The following SHISA9 variants were observed in gnomAD, a reference collection of about 807,000 sequenced individuals.
The protein encoded by SHISA9 is shisa family member 9, also known as protein shisa-9.
A neutral mutation model predicts 38.0 loss-of-function variants in SHISA9; 13 were observed. The observed-to-expected ratio is 0.34, with a 90% CI of 0.22 to 0.54. The LOEUF is 0.54. SHISA9 is among the 20% of genes least tolerant of loss of function. SHISA9 has a pLI of 0.91. For synonymous variants in SHISA9, 275 were observed against 242.0 expected (o/e 1.14, Z -1.27); for missense variants, 538 against 575.8 (o/e 0.93, Z 0.67).
chr16:13,469,364 A>AAAG, the SHISA9 span, among the ~76,000 whole-genome samples: 1,368 of 56,978 alleles, frequency 0.024, 12 homozygotes, highest in Admixed American at 0.03. Context: ...GAAAGAAAAG[A>AAAG]AAAAGAAAGA....
chr16:13,144,117 C>A (rs999421860), intron 2 of SHISA9, among the ~76,000 whole-genome samples: 1 of 146,500 alleles, frequency 6.8e-6, no homozygotes, highest in Admixed American at 7.1e-5. Flanking sequence ...AGTGTAATAT[C>A]CTAGTATGGG....
intron 2 of SHISA9, among the ~76,000 whole-genome samples, chr16:12,977,915 A>G (rs2072186448): frequency 1.3e-5 from 2 of 152,172 alleles, no homozygotes; most frequent in African/African-American, 2.4e-5. Flanking sequence ...GCAAACCACC[A>G]TGACACACAT....
chr16:13,557,818 CTCCCACTG>C, the SHISA9 span, among the ~76,000 whole-genome samples: 1 of 152,118 alleles, frequency 6.6e-6, no homozygotes, highest in Non-Finnish European at 1.5e-5. Flanking sequence ...ATCTCATCTT[CTCCCACTG>C]TCCCCCTGGC....
chr16:13,230,850 A>G (rs548638448), intron 4 of SHISA9, among the ~76,000 whole-genome samples: 13 of 152,180 alleles, frequency 8.5e-5, no homozygotes, highest in Non-Finnish European at 1.5e-4. Context: ...TCGACCATAT[A>G]GGGTAACTTC....
At chr16:13,172,919 C>T (rs921693155) in intron 2 of SHISA9, among the ~76,000 whole-genome samples, 2 of 152,058 alleles carry the variant, frequency 1.3e-5, no homozygotes, top group African/African-American at 2.4e-5. Flanking sequence ...TTCATAATAT[C>T]TTACTTCCCG....
At chr16:13,256,733 T>A in the SHISA9 span, among the ~76,000 whole-genome samples, 1 of 152,228 alleles carries the variant, frequency 6.6e-6, no homozygotes, top group South Asian at 2.1e-4. Context: ...AACAAATGAA[T>A]GAGTGAGGAA....
chr16:12,907,697 T>C (rs1382775115), intron 1 of SHISA9, among the ~76,000 whole-genome samples: 1 of 152,206 alleles, frequency 6.6e-6, no homozygotes, highest in African/African-American at 2.4e-5. Context: ...CTATTATGCG[T>C]GGTGTTTTAA....
At chr16:13,321,603 A>C in the SHISA9 span, among the ~76,000 whole-genome samples, 1 of 152,230 alleles carries the variant, frequency 6.6e-6, no homozygotes, top group Non-Finnish European at 1.5e-5. Flanking sequence ...ACTGATTGTA[A>C]AGGCTGAGGG....
chr16:13,341,295 G>A, the SHISA9 span, among the ~76,000 whole-genome samples: 2 of 152,104 alleles, frequency 1.3e-5, no homozygotes. Flanking sequence ...CTTAAAGTAT[G>A]CTTTTTTCTT....
intron 2 of SHISA9, among the ~76,000 whole-genome samples, chr16:12,948,739 A>G (rs931324458): frequency 4.6e-5 from 7 of 152,176 alleles, no homozygotes; most frequent in African/African-American, 1.4e-4. Flanking sequence ...ACTTCTTAAT[A>G]TCATCACTAT....
At chr16:13,435,237 T>C in the SHISA9 span, among the ~76,000 whole-genome samples, 1 of 152,174 alleles carries the variant, frequency 6.6e-6, no homozygotes, top group African/African-American at 2.4e-5. Flanking sequence ...CTTTTTTTTT[T>C]TTCAGTAAAT....
chr16:13,415,472 A>C, the SHISA9 span, among the ~76,000 whole-genome samples: 1 of 152,204 alleles, frequency 6.6e-6, no homozygotes, highest in African/African-American at 2.4e-5. Flanking sequence ...ATCAGGAAAA[A>C]TAAGTAATAG....
intron 2 of SHISA9, among the ~76,000 whole-genome samples, chr16:13,199,123 G>C (rs1325739064): frequency 1.3e-5 from 2 of 152,128 alleles, no homozygotes; most frequent in African/African-American, 2.4e-5. Flanking sequence ...GGCAGACCTG[G>C]ACACAGGGTT....
chr16:13,330,694 A>T, the SHISA9 span, among the ~76,000 whole-genome samples: 3 of 152,178 alleles, frequency 2.0e-5, no homozygotes, highest in African/African-American at 7.2e-5. Context: ...ATTCCATTTT[A>T]TAGCTGCACC....
At chr16:12,982,936 C>T (rs2072259814) in intron 2 of SHISA9, among the ~76,000 whole-genome samples, 1 of 152,198 alleles carries the variant, frequency 6.6e-6, no homozygotes, top group African/African-American at 2.4e-5. Flanking sequence ...CTTCCCCATC[C>T]CCATCATCTT....
At chr16:13,288,409 A>G in the SHISA9 span, among the ~76,000 whole-genome samples, 1 of 151,872 alleles carries the variant, frequency 6.6e-6, no homozygotes, top group African/African-American at 2.4e-5. Flanking sequence ...CACATGGGAG[A>G]CTTGAGAAGA....
At chr16:13,036,385 TA>T (rs1436969819) in intron 2 of SHISA9, among the ~76,000 whole-genome samples, 1 of 152,234 alleles carries the variant, frequency 6.6e-6, no homozygotes, top group Non-Finnish European at 1.5e-5. Flanking sequence ...TAGTTCATAC[TA>T]CATAATTTCA....
intron 3 of SHISA9, among the ~76,000 whole-genome samples, chr16:13,209,160 C>T (rs1261941180): frequency 6.6e-6 from 1 of 152,278 alleles, no homozygotes; most frequent in African/African-American, 2.4e-5. Flanking sequence ...CTTAGCCTGA[C>T]ATATGTCAGT....
At chr16:12,974,574 C>T (rs1427844508) in intron 2 of SHISA9, among the ~76,000 whole-genome samples, 1 of 147,574 alleles carries the variant, frequency 6.8e-6, no homozygotes, top group African/African-American at 2.5e-5. Context: ...CAACCTCCAA[C>T]CCCCAGGTTC....
Sources: allele counts gnomAD v4.1 joint callset (sites outside exome capture counted in the v4.1 genomes callset), GRCh38; gene constraint gnomAD v4.1.1; transcripts MANE v1.5; gene names NCBI Gene and HGNC (gene_info 2026-07-23, HGNC 2026-07-21).